The following ANTXR2 variants were observed in gnomAD, a reference collection of about 807,000 sequenced individuals.
The protein encoded by ANTXR2 is ANTXR cell adhesion molecule 2.
In ANTXR2, 44 loss-of-function variants were observed where a neutral mutation model predicts 73.7. The ratio of observed to expected loss-of-function variants is 0.60; its 90% CI spans 0.47 to 0.77. The LOEUF is 0.77. ANTXR2 is among the 30% of genes least tolerant of loss of function. The pLI is 0.00. For missense variants in ANTXR2, 604 were observed against 592.5 expected, an observed-to-expected ratio of 1.02 and a Z score of -0.20; for synonymous variants, 217 against 205.9, an observed-to-expected ratio of 1.05 and a Z score of -0.46.
At chr4:79,912,890 A>G (rs1727204655) in intron 16 of ANTXR2, among the ~76,000 whole-genome samples, 1 of 152,178 alleles carries the variant, frequency 6.6e-6, no homozygotes, top group Non-Finnish European at 1.5e-5. Flanking sequence ...ATATGATATG[A>G]TTGTAATTAT....
chr4:80,044,797 A>G (rs773329676), intron 7 of ANTXR2, among the ~76,000 whole-genome samples: 2 of 151,952 alleles, frequency 1.3e-5, no homozygotes, highest in Non-Finnish European at 2.9e-5. Context: ...TTTAAAATGA[A>G]TAACACCACA....
chr4:80,060,501 G>A (rs1365004516), intron 3 of ANTXR2, among the ~76,000 whole-genome samples: 1 of 152,152 alleles, frequency 6.6e-6, no homozygotes, highest in Non-Finnish European at 1.5e-5. Flanking sequence ...AATAGTTTCT[G>A]GGATGGTATG....
chr4:80,067,478 A>G (rs558622381), intron 3 of ANTXR2, among the ~76,000 whole-genome samples: 1 of 152,374 alleles, frequency 6.6e-6, no homozygotes, highest in African/African-American at 2.4e-5. Context: ...GCCTGGCATG[A>G]TGCTAAGTGT....
At chr4:79,911,464 T>C (rs540156804) in intron 16 of ANTXR2, among the ~76,000 whole-genome samples, 1 of 151,872 alleles carries the variant, frequency 6.6e-6, no homozygotes, top group African/African-American at 2.4e-5. Flanking sequence ...TATAGAAGAA[T>C]ACATATAGAC....
intron 7 of ANTXR2, among the ~76,000 whole-genome samples, chr4:80,039,134 T>G (rs72855832): frequency 0.38 from 57,093 of 151,986 alleles, 12,437 homozygotes; most frequent in Non-Finnish European, 0.47. Flanking sequence ...ATGAGGCATC[T>G]ATTTCTTCCA....
chr4:79,928,070 T>C (rs1473036941), intron 16 of ANTXR2, among the ~76,000 whole-genome samples: 1 of 152,172 alleles, frequency 6.6e-6, no homozygotes, highest in Non-Finnish European at 1.5e-5. Context: ...CCCATATTCA[T>C]AGAAGCATTA....
intron 10 of ANTXR2, among the ~76,000 whole-genome samples, chr4:80,026,079 T>G (rs962823294): frequency 6.6e-6 from 1 of 152,134 alleles, no homozygotes. Context: ...CATCCAAAAC[T>G]TTAAAGAGTC....
At chr4:79,915,877 T>TAC (rs1560850569) in intron 16 of ANTXR2, among the ~76,000 whole-genome samples, 12 of 149,858 alleles carry the variant, frequency 8.0e-5, no homozygotes, top group East Asian at 3.9e-4. Flanking sequence ...TATATATATA[T>TAC]ACATAAAGAA....
At chr4:79,965,834 A>G (rs1391114390) in intron 16 of ANTXR2, among the ~76,000 whole-genome samples, 1 of 152,230 alleles carries the variant, frequency 6.6e-6, no homozygotes, top group Non-Finnish European at 1.5e-5. Context: ...ATTTCCTAAT[A>G]TTCCTAATAT....
chr4:79,959,516 T>C (rs1729065764), intron 16 of ANTXR2, among the ~76,000 whole-genome samples: 1 of 152,188 alleles, frequency 6.6e-6, no homozygotes, highest in East Asian at 1.9e-4. Context: ...CTCAAATCAA[T>C]ATCTCATGCA....
At chr4:79,959,103 C>T (rs919620296) in intron 16 of ANTXR2, among the ~76,000 whole-genome samples, 3 of 151,692 alleles carry the variant, frequency 2.0e-5, no homozygotes, top group Admixed American at 6.6e-5. Context: ...AAATTAAAAG[C>T]CTTCATTTGT....
At chr4:79,957,429 C>CA (rs1408857234) in intron 16 of ANTXR2, among the ~76,000 whole-genome samples, 1 of 151,844 alleles carries the variant, frequency 6.6e-6, no homozygotes, top group Admixed American at 6.6e-5. Context: ...AACATTGCTG[C>CA]AAAAAGAAAA....
intron 7 of ANTXR2, among the ~76,000 whole-genome samples, chr4:80,038,467 G>A (rs183133647): frequency 1.3e-5 from 2 of 152,134 alleles, no homozygotes; most frequent in East Asian, 3.9e-4. Context: ...GCCAGGCCCT[G>A]TATATCCCCT....
intron 10 of ANTXR2, among the ~76,000 whole-genome samples, chr4:80,022,674 C>T (rs952146835): frequency 1.3e-5 from 2 of 152,172 alleles, no homozygotes; most frequent in Admixed American, 6.5e-5. Context: ...GGAAGCCATA[C>T]GCTCAGTAAC....
At chr4:79,928,351 G>A (rs150582958) in intron 16 of ANTXR2, among the ~76,000 whole-genome samples, 315 of 152,228 alleles carry the variant, frequency 2.1e-3, no homozygotes, top group African/African-American at 7.2e-3. Context: ...TGGGAATTAG[G>A]GGAAGGACAG....
intron 16 of ANTXR2, among the ~76,000 whole-genome samples, chr4:79,927,353 G>A (rs1727862477): frequency 1.3e-5 from 2 of 151,624 alleles, no homozygotes; most frequent in South Asian, 4.2e-4. Context: ...TGATGGATAT[G>A]TTGATCTGTT....
Position 79,907,539 on chromosome 4 carries a change from T to C in ANTXR2, c.1429-72A>G, listed in dbSNP as rs142831013. 705 of 1,450,548 alleles carry C rather than the reference T, an allele frequency of 4.9e-4. 5 individuals carry two copies. In the African/African-American group the frequency reaches 8.9e-3, roughly 18 times the overall value. 89.9% of individuals were successfully genotyped at this position (1,450,548 alleles called of 1,614,324 possible). ...AAAAAAGCATGAGAACATCTAGTTTTCCTACCATGATAATAAATGATTACC... is the reference window on the plus strand; with the variant it reads ...AAAAAAGCATGAGAACATCTAGTTTCCCTACCATGATAATAAATGATTACC... On this transcript the variant is annotated intron_variant, in intron 16 of 16. Transcript: ENST00000403729.
At position 79,946,645 on chromosome 4, in the gene ANTXR2, C is replaced by A. The variant is rs188879477; in HGVS notation, c.1428+30976G>T. On this transcript the variant is annotated intron_variant, in intron 16 of 16. Coordinates refer to ENST00000403729, the MANE Select transcript of ANTXR2 (RefSeq NM_058172.6). ...GCATGAGGGAATGAGTGTCTCCATC[C>A]TGCAGGGGTATCTGGTAGCACATCA... 3.3e-5 allele frequency among the ~76,000 whole-genome samples: 5 copies of A among 152,216 alleles called. No homozygotes were observed. In the East Asian group the frequency reaches 9.7e-4, roughly 29 times the overall value.
chr4:79,921,081 T>C (rs905959850), intron 16 of ANTXR2, among the ~76,000 whole-genome samples: 1 of 152,108 alleles, frequency 6.6e-6, no homozygotes, highest in African/African-American at 2.4e-5. Flanking sequence ...AGCATGAAAA[T>C]AGTAATTTTT....
Sources: gnomAD v4.1 joint callset for allele counts (sites outside exome capture counted in the v4.1 genomes callset) on GRCh38, gnomAD v4.1.1 for gene constraint, MANE v1.5 for transcripts, NCBI Gene and HGNC (gene_info 2026-07-23, HGNC 2026-07-21) for gene names.